YAP1: variants seen among roughly 807,000 people sequenced by gnomAD.
YAP1 encodes the protein transcriptional coactivator YAP1.
Under a neutral mutation model 56.9 loss-of-function variants are expected in YAP1, and 5 were observed. The ratio of observed to expected loss-of-function variants is 0.09; its 90% CI spans 0.05 to 0.18. The LOEUF (loss-of-function observed/expected upper bound fraction) is 0.18. YAP1 is among the 10% of genes least tolerant of loss of function. The pLI is 1.00. For missense variants in YAP1, 539 were observed against 651.8 expected (o/e 0.83, Z 1.88); for synonymous variants, 265 against 248.1 (o/e 1.07, Z -0.64).
In YAP1 at chr11:102,232,195, A is replaced by G. The variant is rs1307707076; in HGVS notation, c.*2255A>G. Reference sequence around the variant, plus strand: ...TCAAAGCTACTTGGAAGGAGTGCCTATAATTTGCCAGTAGCCACAGATTAA... The same window carrying G: ...TCAAAGCTACTTGGAAGGAGTGCCTGTAATTTGCCAGTAGCCACAGATTAA... On this transcript the variant is annotated 3_prime_UTR_variant, in exon 9 of 9. Transcript: ENST00000282441. The G allele has an allele frequency of 4.1e-5, 6 of 144,758 alleles. No homozygotes were observed. The highest frequency in any genetic ancestry group is 9.0e-5 in the Non-Finnish European group (6 of 66,404). 9.0% of individuals were successfully genotyped at this position (144,758 alleles called of 1,614,324 possible).
At chr11:102,155,074 A>G (rs1233466882) in intron 2 of YAP1, among the ~76,000 whole-genome samples, 3 of 152,200 alleles carry the variant, frequency 2.0e-5, no homozygotes, top group African/African-American at 7.2e-5. Flanking sequence ...GGTTCAGAAA[A>G]GTCAAATTAC....
At chr11:102,225,053 A>G (rs1032001759) in intron 7 of YAP1, among the ~76,000 whole-genome samples, 47 of 152,052 alleles carry the variant, frequency 3.1e-4, no homozygotes, top group African/African-American at 1.1e-3. Context: ...TTGAGATTCT[A>G]TTTTCTGGGA....
chr11:102,165,216 T>C (rs1354760451), intron 3 of YAP1, among the ~76,000 whole-genome samples: 3 of 151,304 alleles, frequency 2.0e-5, no homozygotes, highest in African/African-American at 7.3e-5. Context: ...AAATAGTCTG[T>C]CATGGTGGTG....
rs555813519 is a variant in YAP1, at chr11:102,163,140, C to CT, written c.688+575dup. Among the ~76,000 whole-genome samples, 85 of 152,084 alleles carry CT rather than the reference C, an allele frequency of 5.6e-4. No individual in the cohort carries two copies. The East Asian group carries it at 0.013, about 22-fold the overall frequency. On this transcript the variant is annotated intron_variant, in intron 3 of 8. Coordinates refer to ENST00000282441, the MANE Select transcript of YAP1 (RefSeq NM_001130145.3). ...CATGGATTATTAAACGCATCTTCAC[C>CT]TTTTTTACTAGAAGATAAACCTGAG...
chr11:102,137,901 T>C (rs1231534427), intron 2 of YAP1, among the ~76,000 whole-genome samples: 1 of 152,094 alleles, frequency 6.6e-6, no homozygotes, highest in Non-Finnish European at 1.5e-5. Context: ...TTTTTTTAAA[T>C]TTCCGAGATG....
At chr11:102,126,310 A>G (rs1157932701) in intron 2 of YAP1, among the ~76,000 whole-genome samples, 3 of 152,138 alleles carry the variant, frequency 2.0e-5, no homozygotes, top group African/African-American at 7.2e-5. Flanking sequence ...AATCCTTGAT[A>G]TGGTTTGGCT....
At chr11:102,137,973 C>T (rs534841010) in intron 2 of YAP1, among the ~76,000 whole-genome samples, 3 of 152,102 alleles carry the variant, frequency 2.0e-5, no homozygotes, top group African/African-American at 7.2e-5. Flanking sequence ...CTGCAGCCTC[C>T]GCCTCCCGAG....
At chr11:102,200,770 G>A (rs1246096697) in intron 4 of YAP1, among the ~76,000 whole-genome samples, 1 of 151,968 alleles carries the variant, frequency 6.6e-6, no homozygotes, top group Non-Finnish European at 1.5e-5. Flanking sequence ...TGAAAAACAA[G>A]CAAAAAGATG....
intron 1 of YAP1, among the ~76,000 whole-genome samples, chr11:102,113,860 A>G (rs1943115918): frequency 6.6e-6 from 1 of 152,172 alleles, no homozygotes; most frequent in Admixed American, 6.5e-5. Flanking sequence ...TGTTTTATTC[A>G]TTCAGTACTA....
At chr11:102,144,165 C>T (rs1393873506) in intron 2 of YAP1, among the ~76,000 whole-genome samples, 1 of 152,066 alleles carries the variant, frequency 6.6e-6, no homozygotes, top group Non-Finnish European at 1.5e-5. Context: ...CCAGAGAAAC[C>T]AATGTTTAAT....
intron 3 of YAP1, among the ~76,000 whole-genome samples, chr11:102,181,528 C>T (rs1947624545): frequency 6.6e-6 from 1 of 152,148 alleles, no homozygotes; most frequent in Non-Finnish European, 1.5e-5. Context: ...CCACCTACTC[C>T]TTATTTCTAT....
intron 3 of YAP1, among the ~76,000 whole-genome samples, chr11:102,183,576 A>G (rs1947757472): frequency 6.6e-6 from 1 of 152,198 alleles, no homozygotes; most frequent in African/African-American, 2.4e-5. Context: ...TGGCAGACCC[A>G]TCGGAGAGAA....
chr11:102,198,180 G>T (rs983536060), intron 4 of YAP1, among the ~76,000 whole-genome samples: 1 of 152,068 alleles, frequency 6.6e-6, no homozygotes, highest in Non-Finnish European at 1.5e-5. Context: ...TAATTCTGTG[G>T]ACTGGTTCTT....
chr11:102,132,783 G>T (rs966645300), intron 2 of YAP1, among the ~76,000 whole-genome samples: 2 of 152,192 alleles, frequency 1.3e-5, no homozygotes, highest in African/African-American at 4.8e-5. Context: ...GGTTACTCTT[G>T]TTTCAGTTAG....
chr11:102,139,125 C>A (rs1944855368), intron 2 of YAP1, among the ~76,000 whole-genome samples: 1 of 149,998 alleles, frequency 6.7e-6, no homozygotes, highest in South Asian at 2.1e-4. Flanking sequence ...TTTTTGTTAT[C>A]CAAAAGTTGA....
At chr11:102,156,777 GTGCT>G (rs1401890658) in intron 2 of YAP1, among the ~76,000 whole-genome samples, 1 of 152,222 alleles carries the variant, frequency 6.6e-6, no homozygotes, top group Non-Finnish European at 1.5e-5. Context: ...TGAGAGAACT[GTGCT>G]TGCTTCAGGA....
chr11:102,188,279 T>C (rs972808486), intron 4 of YAP1, among the ~76,000 whole-genome samples: 3 of 152,238 alleles, frequency 2.0e-5, no homozygotes, highest in African/African-American at 7.2e-5. Context: ...TTCAAATCTA[T>C]ATTAAAATAT....
intron 2 of YAP1, among the ~76,000 whole-genome samples, chr11:102,140,489 C>G (rs948764766): frequency 4.6e-5 from 7 of 152,116 alleles, no homozygotes; most frequent in African/African-American, 1.4e-4. Context: ...TAGCAACACA[C>G]ACTAAAAAGA....
chr11:102,220,095 A>G lies in YAP1; in HGVS notation c.1033-3527A>G, dbSNP rs187845485. 1.3e-3 allele frequency among the ~76,000 whole-genome samples: 202 copies of G among 149,950 alleles called. 1 individual carries two copies. The highest frequency in any genetic ancestry group is 0.01 in the Middle Eastern group (3 of 292). The stretch of plus-strand genomic sequence containing the variant: ...TAGACATGGACTTCACTGGCTGGGC[A>G]TGGTGGCTCACGCCTGTAATCCTAA... On this transcript the variant is annotated intron_variant, in intron 6 of 8. Transcript: ENST00000282441.
Sources: allele counts gnomAD v4.1 joint callset (sites outside exome capture counted in the v4.1 genomes callset), GRCh38; gene constraint gnomAD v4.1.1; transcripts MANE v1.5; gene names NCBI Gene and HGNC (gene_info 2026-07-23, HGNC 2026-07-21).